SRRM3: variants seen among roughly 807,000 people sequenced by gnomAD.
The protein encoded by SRRM3 is serine/arginine repetitive matrix 3.
In SRRM3, 27 loss-of-function variants were observed where a neutral mutation model predicts 66.2. The observed-to-expected ratio is 0.41, with a 90% CI of 0.30 to 0.56. The LOEUF (loss-of-function observed/expected upper bound fraction) is 0.56. Ranked by LOEUF, SRRM3 falls within the 20% of genes least tolerant of loss-of-function variation. The pLI is 0.32. For missense variants in SRRM3, 918 were observed against 991.9 expected, an observed-to-expected ratio of 0.93 and a Z score of 1.00; for synonymous variants, 391 against 414.9, an observed-to-expected ratio of 0.94 and a Z score of 0.70.
At chr7:76,263,904 A>AAAAAAG in intron 8 of SRRM3, among the ~76,000 whole-genome samples, 1 of 148,486 alleles carries the variant, frequency 6.7e-6, no homozygotes, top group African/African-American at 2.5e-5. Context: ...AAAAAAAAAA[A>AAAAAAG]AGCAGGGACA....
At chr7:76,231,989 G>A (rs1801027492) in intron 1 of SRRM3, among the ~76,000 whole-genome samples, 2 of 152,176 alleles carry the variant, frequency 1.3e-5, no homozygotes, top group South Asian at 4.1e-4. Flanking sequence ...TTGGTTGCAG[G>A]ATGGGGTGCA....
chr7:76,279,185 G>C (rs1167559220), intron 11 of SRRM3, among the ~76,000 whole-genome samples: 1 of 152,056 alleles, frequency 6.6e-6, no homozygotes, highest in Non-Finnish European at 1.5e-5. Context: ...CTTGAACTTG[G>C]GAGGGAGAGG....
At chr7:76,220,554 G>C (rs1800683616) in intron 1 of SRRM3, among the ~76,000 whole-genome samples, 1 of 152,160 alleles carries the variant, frequency 6.6e-6, no homozygotes, top group Admixed American at 6.5e-5. Context: ...CCCCATCTTG[G>C]CCCTGGAAAC....
At chr7:76,233,687 G>A (rs562863903) in intron 1 of SRRM3, among the ~76,000 whole-genome samples, 34 of 152,288 alleles carry the variant, frequency 2.2e-4, no homozygotes, top group African/African-American at 7.2e-4. Context: ...TCTGGCAGAT[G>A]CTCCCAGGAA....
chr7:76,285,486 T>A lies in SRRM3; in HGVS notation c.1734-129T>A, dbSNP rs1802639320. The A allele has an allele frequency of 7.2e-6, 5 of 694,922 alleles. No homozygotes were observed. Among genetic ancestry groups the A allele is most frequent in the Admixed American group, 3.0e-5 (1 of 33,812 alleles). The allele number at this position is 694,922 out of a possible 1,614,324, so 43.0% of individuals were successfully genotyped here. A position where few individuals can be genotyped will look rare whatever the true frequency, so the allele number is the denominator to read the frequency against. On this transcript the variant is annotated intron_variant, in intron 14 of 14. Transcript: ENST00000611745. The surrounding 1 kb of genome is among the most constrained non-coding windows in gnomAD (Gnocchi z 4.1). Reference sequence around the variant, plus strand: ...TTGCAAGTAACCAATGACCGTCAGATTCCATTTGGAGAAGGCAGGTGTCTC... The same window carrying A: ...TTGCAAGTAACCAATGACCGTCAGAATCCATTTGGAGAAGGCAGGTGTCTC...
At chr7:76,237,161 A>G (rs1348970058) in intron 2 of SRRM3, among the ~76,000 whole-genome samples, 5 of 152,184 alleles carry the variant, frequency 3.3e-5, no homozygotes, top group Admixed American at 1.3e-4. Flanking sequence ...CAATCACAGC[A>G]CTATGGGAGG....
chr7:76,231,424 G>C (rs1801012064), intron 1 of SRRM3, among the ~76,000 whole-genome samples: 1 of 152,232 alleles, frequency 6.6e-6, no homozygotes. Context: ...AGGGTTTGGA[G>C]ATCTGAGTGC....
At chr7:76,266,748 C>T (rs1477901489) in intron 10 of SRRM3, among the ~76,000 whole-genome samples, 1 of 147,304 alleles carries the variant, frequency 6.8e-6, no homozygotes, top group East Asian at 1.9e-4. Context: ...TCTTGGCTCA[C>T]TACAACCTCC....
chr7:76,219,782 C>T (rs569872990), intron 1 of SRRM3, among the ~76,000 whole-genome samples: 10 of 152,212 alleles, frequency 6.6e-5, no homozygotes, highest in Middle Eastern at 3.4e-3. Flanking sequence ...TGGTGGCACA[C>T]GCCTGTAATC....
intron 3 of SRRM3, among the ~76,000 whole-genome samples, chr7:76,253,949 C>G (rs1156712696): frequency 6.6e-6 from 1 of 152,112 alleles, no homozygotes; most frequent in Non-Finnish European, 1.5e-5. Flanking sequence ...CTGGGACTCT[C>G]AGGACAGGTT....
At position 76,281,643 on chromosome 7, in the gene SRRM3, G is replaced by A; in HGVS notation, c.1211G>A (p.Arg404His). 1 of 972,622 alleles carries A rather than the reference G, an allele frequency of 1.0e-6. No homozygotes were observed. Among genetic ancestry groups the A allele is most frequent in the Non-Finnish European group, 1.2e-6 (1 of 820,994 alleles). The allele number at this position is 972,622 out of a possible 1,614,324, so 60.2% of individuals were successfully genotyped here. The stretch of plus-strand genomic sequence containing the variant: ...TCGCGGTCCTCGGCGTCCGCGCCCC[G>A]CCGCAGGGGTCGCCGGCGCCCCCGG... ...RRSRSSASAPRRRGRRRPRPA... is the reference protein window; with the variant it reads ...RRSRSSASAPHRRGRRRPRPA... The change falls in exon 12 of 15, where the codon CGC (arginine) becomes CAC (histidine). Residue 404 changes from arginine (R) to histidine (H), a missense_variant. Coordinates refer to ENST00000611745, the MANE Select transcript of SRRM3 (RefSeq NM_001110199.3).
intron 1 of SRRM3, among the ~76,000 whole-genome samples, chr7:76,218,303 G>A (rs1800617929): frequency 6.6e-6 from 1 of 152,192 alleles, no homozygotes; most frequent in Non-Finnish European, 1.5e-5. Flanking sequence ...AAGGCCATCT[G>A]ATTTGCACCC....
At chr7:76,215,401 T>G (rs868953176) in intron 1 of SRRM3, among the ~76,000 whole-genome samples, 56 of 145,112 alleles carry the variant, frequency 3.9e-4, no homozygotes, top group Non-Finnish European at 7.1e-4. Context: ...GCAGTTTTTT[T>G]TTTTTTTTTT....
chr7:76,254,685 C>T (rs1554607425), intron 3 of SRRM3, among the ~76,000 whole-genome samples: 2 of 152,142 alleles, frequency 1.3e-5, no homozygotes, highest in African/African-American at 4.8e-5. Context: ...CTCCCTGCTC[C>T]TACCAGCTCA....
chr7:76,281,299 C>T (rs1802497063), intron 11 of SRRM3, 142 bp from the exon 12 acceptor site: 1 of 514,568 alleles, frequency 1.9e-6, no homozygotes, highest in Non-Finnish European at 2.8e-6. Context: ...CTCTGTCTCT[C>T]CCTCTTTCCT....
intron 1 of SRRM3, among the ~76,000 whole-genome samples, chr7:76,218,540 A>G (rs1554602875): frequency 1.3e-5 from 2 of 152,110 alleles, no homozygotes; most frequent in Non-Finnish European, 2.9e-5. Flanking sequence ...AGGAAGACTG[A>G]GTAAGGCAGG....
At chr7:76,282,470 C>A (rs1488154889) in intron 12 of SRRM3, 178 bp from the exon 13 acceptor site, 1 of 451,376 alleles carries the variant, frequency 2.2e-6, no homozygotes. Context: ...CGGGGCTCCC[C>A]CTGAACTGAC....
rs6966223 is a variant in SRRM3, at chr7:76,235,145, T to G, written c.79T>G (p.Ser27Ala). The G allele has an allele frequency of 0.023, 36,144 of 1,563,626 alleles. 2,233 individuals carry two copies. Among genetic ancestry groups the G allele is most frequent in the African/African-American group, 0.19 (13,785 of 73,502 alleles). ...DAANGFPQPS[S>A]SSGTWPRAEE... is the part of the protein sequence containing the mutation. ...CGCGAACGGCTTCCCGCAGCCCAGCTCCTCCTCGGGGACCTGGCCGCGGGC... is the reference window on the plus strand; with the variant it reads ...CGCGAACGGCTTCCCGCAGCCCAGCGCCTCCTCGGGGACCTGGCCGCGGGC... Residue 27 changes from serine to alanine, a missense_variant, in exon 2 of 15, where the codon TCC (serine) becomes GCC (alanine). Transcript: ENST00000611745.
intron 1 of SRRM3, among the ~76,000 whole-genome samples, chr7:76,205,170 C>T: frequency 6.6e-6 from 1 of 152,280 alleles, no homozygotes; most frequent in African/African-American, 2.4e-5. Context: ...CCCAGCGCCT[C>T]TGCAGGGCTT....
Sources: gnomAD v4.1 joint callset for allele counts (sites outside exome capture counted in the v4.1 genomes callset) on GRCh38, gnomAD v4.1.1 for gene constraint, Gnocchi (gnomAD v3.1) non-coding constraint, MANE v1.5 for transcripts, NCBI Gene and HGNC (gene_info 2026-07-23, HGNC 2026-07-21) for gene names.